BMP2K: variants seen among roughly 807,000 people sequenced by gnomAD.
The protein encoded by BMP2K is BMP-2-inducible protein kinase.
In BMP2K, 74 loss-of-function variants were observed where a neutral mutation model predicts 116.0. That is an observed-to-expected ratio of 0.64 (90% CI 0.53 to 0.77). BMP2K has a LOEUF of 0.77. Ranked by LOEUF, BMP2K falls within the 30% of genes least tolerant of loss-of-function variation. The pLI is 0.00. For synonymous variants in BMP2K, 486 were observed against 502.5 expected (o/e 0.97, Z 0.44); for missense variants, 1,365 against 1,403.6 (o/e 0.97, Z 0.44).
chr4:78,829,850 CTTTTTTTCTTT>C (rs1730120965), intron 2 of BMP2K, among the ~76,000 whole-genome samples: 1 of 141,020 alleles, frequency 7.1e-6, no homozygotes, highest in African/African-American at 2.7e-5. Flanking sequence ...CTCTTCTCTT[CTTTTTTTCTTT>C]TCTTTTCTTT....
At chr4:78,824,941 C>T (rs1487128313) in intron 1 of BMP2K, among the ~76,000 whole-genome samples, 1 of 152,184 alleles carries the variant, frequency 6.6e-6, no homozygotes, top group African/African-American at 2.4e-5. Flanking sequence ...GTGGCTCACA[C>T]CTGTAATCCC....
chr4:78,795,190 T>A (rs977358086), intron 1 of BMP2K, among the ~76,000 whole-genome samples: 14 of 152,250 alleles, frequency 9.2e-5, no homozygotes, highest in African/African-American at 3.4e-4. Context: ...AATAACTTTT[T>A]TGTCTTTCTC....
chr4:78,801,556 C>G (rs1432054530), intron 1 of BMP2K, among the ~76,000 whole-genome samples: 1 of 152,126 alleles, frequency 6.6e-6, no homozygotes, highest in Non-Finnish European at 1.5e-5. Flanking sequence ...GATCTTGACT[C>G]CTTGTCAATC....
intron 10 of BMP2K, among the ~76,000 whole-genome samples, chr4:78,866,194 C>A (rs912946192): frequency 6.6e-6 from 1 of 152,144 alleles, no homozygotes; most frequent in African/African-American, 2.4e-5. Flanking sequence ...AAAATTTACT[C>A]ATCTAAAGTA....
At chr4:78,817,421 T>A (rs1729403685) in intron 1 of BMP2K, among the ~76,000 whole-genome samples, 1 of 152,192 alleles carries the variant, frequency 6.6e-6, no homozygotes, top group Non-Finnish European at 1.5e-5. Flanking sequence ...CTACAGTGAC[T>A]CACAGAACTC....
At position 78,849,305 on chromosome 4, in the gene BMP2K, A is replaced by C. The variant is rs540737766; in HGVS notation, c.751-1619A>C. Among the ~76,000 whole-genome samples the C allele has an allele frequency of 2.0e-5, 3 of 151,624 alleles. No homozygotes were observed. In the East Asian group the frequency reaches 5.8e-4, roughly 29 times the overall value. On this transcript the variant is annotated intron_variant, in intron 6 of 15. Transcript: ENST00000502613. ...ACTGGTTCCCTCCTGTTTCTTGTAC[A>C]ATTCTCATTGAGATTGATAAAAAGG...
At chr4:78,816,795 A>C (rs1358341083) in intron 1 of BMP2K, among the ~76,000 whole-genome samples, 2 of 152,220 alleles carry the variant, frequency 1.3e-5, no homozygotes, top group African/African-American at 4.8e-5. Flanking sequence ...TGGTTAATTC[A>C]TAGGTAACTG....
intron 14 of BMP2K, chr4:78,879,448 A>G (rs1224380624): frequency 6.1e-6 from 6 of 978,074 alleles, no homozygotes; most frequent in East Asian, 2.3e-4. Context: ...AGATATCTCA[A>G]TGTTTTTACT....
At chr4:78,799,291 G>A (rs1011388345) in intron 1 of BMP2K, among the ~76,000 whole-genome samples, 2 of 151,816 alleles carry the variant, frequency 1.3e-5, no homozygotes, top group Non-Finnish European at 2.9e-5. Flanking sequence ...TGAAAGTTCT[G>A]TAGACCCTTT....
rs906765782 is a variant in BMP2K at position 78,915,066 on chromosome 4, G to A, written c.*3033G>A. 1 of 151,984 alleles carries A rather than the reference G, an allele frequency of 6.6e-6. No homozygotes were observed. Among genetic ancestry groups the A allele is most frequent in the Non-Finnish European group, 1.5e-5 (1 of 67,918 alleles). The allele number at this position is 151,984 out of a possible 1,614,324, so 9.4% of individuals were successfully genotyped here. A position where few individuals can be genotyped will look rare whatever the true frequency, so the allele number is the denominator to read the frequency against. On this transcript the variant is annotated 3_prime_UTR_variant, in exon 16 of 16. Coordinates refer to ENST00000502613, the MANE Select transcript of BMP2K (RefSeq NM_198892.2). ...TAAGTATAATAGGTGGAGGAGGAAA[G>A]GTTGTAGGCCGGATGAAAATTTAAC...
intron 1 of BMP2K, among the ~76,000 whole-genome samples, chr4:78,786,191 T>C (rs989861781): frequency 1.3e-5 from 2 of 151,926 alleles, no homozygotes; most frequent in Non-Finnish European, 1.5e-5. Context: ...TGGGAAATGA[T>C]TGGGTCATGA....
In BMP2K at chr4:78,887,183, A is replaced by C. The variant is rs1367434900; in HGVS notation, c.1961A>C (p.Glu654Ala). The stretch of plus-strand genomic sequence containing the variant: ...CATCTTATTTTTGCAGATAGGCTCG[A>C]GGAGAGAGCATCCTCAGATAAGAAT... ...EFDLLRSNRL[E>A]ERASSDKNVD... The change falls in exon 15 of 16, where the codon GAG becomes GCG. Residue 654 changes from glutamate to alanine, a missense_variant. This residue lies in a region of BMP2K where 596 missense variants were observed against 623.2 expected (regional missense o/e 0.96). Transcript: ENST00000502613. 3 of 1,604,184 alleles carry C rather than the reference A, an allele frequency of 1.9e-6. No homozygotes were observed. In the Admixed American group the frequency reaches 5.1e-5, roughly 27 times the overall value.
rs1177088751 is a variant in BMP2K at position 78,826,069 on chromosome 4, C to CA, written c.212dup (p.His71GlnfsTer15). The CA allele has an allele frequency of 6.2e-7, 1 of 1,614,046 alleles. No homozygotes were observed. Among genetic ancestry groups the CA allele is most frequent in the Admixed American group, 1.7e-5 (1 of 60,010 alleles). The stretch of plus-strand genomic sequence containing the variant: ...CTCCACAGTTTTCCTCGTGCGTACT[C>CA]ACGGTGGAATCCGATGTGCATTGAA... On this transcript the variant is annotated frameshift_variant, in exon 2 of 16. Coordinates refer to ENST00000502613, the MANE Select transcript of BMP2K (RefSeq NM_198892.2). LOFTEE classifies it high-confidence loss of function.
chr4:78,859,415 A>G (rs1037942647), intron 7 of BMP2K, 169 bp from the exon 8 acceptor site: 9 of 478,242 alleles, frequency 1.9e-5, no homozygotes, highest in African/African-American at 1.8e-4. Context: ...TGCTTTATTT[A>G]TAAAATAGCA....
At chr4:78,861,501 T>C in intron 9 of BMP2K, 33 bp downstream of exon 9, 1 of 1,521,062 alleles carries the variant, frequency 6.6e-7, no homozygotes, top group South Asian at 1.2e-5. Context: ...TGAAAAGGCA[T>C]TAAAAAAAAT....
chr4:78,851,604 GCCT>G (rs1330859381), intron 7 of BMP2K, among the ~76,000 whole-genome samples: 1 of 152,158 alleles, frequency 6.6e-6, no homozygotes, highest in African/African-American at 2.4e-5. Context: ...CCTTGTTGTA[GCCT>G]CCAGCTCACT....
chr4:78,870,093 A>G (rs1732258176), intron 10 of BMP2K, among the ~76,000 whole-genome samples: 1 of 152,202 alleles, frequency 6.6e-6, no homozygotes, highest in African/African-American at 2.4e-5. Flanking sequence ...CTTACTTTTT[A>G]GTTAATTTTT....
Position 78,915,966 on chromosome 4 carries a change from A to G in BMP2K, c.*3933A>G, listed in dbSNP as rs1398432756. 1.3e-5 allele frequency: 2 copies of G among 151,916 alleles called. No homozygotes were observed. The highest frequency in any genetic ancestry group is 2.4e-5 in the African/African-American group (1 of 41,420). 9.4% of individuals were successfully genotyped at this position (151,916 alleles called of 1,614,324 possible). On this transcript the variant is annotated 3_prime_UTR_variant, in exon 16 of 16. Transcript: ENST00000502613. ...GTGCACTTTCTTTGATTACACTTCC[A>G]TTTTTTGTTAAACTTGAATTTTCTG... is the stretch of plus-strand genomic sequence containing the variant.
intron 2 of BMP2K, among the ~76,000 whole-genome samples, chr4:78,829,787 T>TTTCTTTTCTTTTCTTTTCTC (rs71216237): frequency 3.0e-4 from 26 of 86,644 alleles, no homozygotes; most frequent in East Asian, 2.9e-3. Context: ...TTTCTTTTCT[T>TTTCTTTTCTTTTCTTTTCTC]TTCTCTTCTC....
Sources: allele counts gnomAD v4.1 joint callset (sites outside exome capture counted in the v4.1 genomes callset), GRCh38; gene constraint gnomAD v4.1.1; regional missense constraint gnomAD v4.1.1; transcripts MANE v1.5; gene names NCBI Gene and HGNC (gene_info 2026-07-23, HGNC 2026-07-21).